Variants in AK6 observed in about 807,000 individuals in gnomAD.
AK6 encodes adenylate kinase isoenzyme 6.
Under a neutral mutation model 23.7 loss-of-function variants are expected in AK6, and 24 were observed. The observed-to-expected ratio is 1.01, with a 90% CI of 0.73 to 1.43. The LOEUF (loss-of-function observed/expected upper bound fraction) is 1.43. Among genes scored for constraint, AK6 ranks in the 40% most tolerant of loss-of-function variants. The pLI is 0.00. For missense variants in AK6, 191 were observed against 199.1 expected, an observed-to-expected ratio of 0.96 and a Z score of 0.24; for synonymous variants, 73 against 69.8, an observed-to-expected ratio of 1.05 and a Z score of -0.23.
intron 2 of AK6, chr5:69,365,132 TG>T (rs968721837): frequency 6.2e-7 from 1 of 1,614,116 alleles, no homozygotes; most frequent in Non-Finnish European, 8.5e-7. Context: ...TTGCAGGAAT[TG>T]AAGCTTTTAC....
At chr5:69,369,374 G>A in intron 1 of AK6, 89 bp downstream of exon 1, 1 of 1,475,196 alleles carries the variant, frequency 6.8e-7, no homozygotes, top group East Asian at 2.5e-5. Flanking sequence ...AGAGGGCAGT[G>A]AGGGGCCCCC....
In AK6 at chr5:69,355,710, A is replaced by T. The variant is rs893049971; in HGVS notation, c.265T>A (p.Phe89Ile). 5.6e-6 allele frequency: 9 copies of T among 1,613,874 alleles called. No individual in the cohort carries two copies. The highest frequency in any genetic ancestry group is 1.7e-5 in the Admixed American group (1 of 59,988). The part of the protein sequence containing the change: ...HGCDFFPERW[F>I]HIVFVLRTDT... ...GTTCTCAGCACAAAAACTATATGAA[A>T]CCAGCGTTCAGGGAAGAAATCACAA... Residue 89 changes from phenylalanine to isoleucine, a missense_variant, in exon 4 of 5, where the codon TTT becomes ATT. Physicochemically the swap from Phe to Ile is conservative, Grantham distance 21. Coordinates refer to ENST00000380822, the MANE Select transcript of AK6 (RefSeq NM_016283.5).
In AK6 at chr5:69,363,533, C is replaced by A. The variant is rs946373685; in HGVS notation, c.121+2970G>T. Among the ~76,000 whole-genome samples the A allele has an allele frequency of 9.9e-5, 15 of 152,178 alleles. 1 individual carries two copies. Among genetic ancestry groups the A allele is most frequent in the Non-Finnish European group, 1.8e-4 (12 of 68,032 alleles). ...GGCGCGGTGGCCCACGCCTGTAATC[C>A]CAGCACTCAGGGAGGCCAAGGTGGG... On this transcript the variant is annotated intron_variant, in intron 2 of 4. Transcript: ENST00000380822.
intron 2 of AK6, chr5:69,365,450 T>C: frequency 6.2e-7 from 1 of 1,614,236 alleles, no homozygotes; most frequent in Non-Finnish European, 8.5e-7. Flanking sequence ...TTCTTTGCCT[T>C]GCAATATCTA....
chr5:69,351,928 C>T lies in AK6; in HGVS notation c.*133G>A, dbSNP rs1761958295. 1.8e-6 allele frequency: 1 copy of T among 552,408 alleles called. No homozygotes were observed. The highest frequency in any genetic ancestry group is 2.9e-6 in the Non-Finnish European group (1 of 342,514). The allele number at this position is 552,408 out of a possible 1,614,324, so 34.2% of individuals were successfully genotyped here. The stretch of plus-strand genomic sequence containing the variant: ...TCTCATGGAGAAAAAGAAACACAGG[C>T]ATAAACCTATATACTATCCACCTGC... On this transcript the variant is annotated 3_prime_UTR_variant, in exon 5 of 5. Transcript: ENST00000380822.
At chr5:69,355,531 AAAAACAAAAC>A (rs370234616) in intron 4 of AK6, 108 bp downstream of exon 4, 62 of 1,218,136 alleles carry the variant, frequency 5.1e-5, no homozygotes, top group African/African-American at 3.6e-4. Context: ...TCTATCTCAA[AAAAACAAAAC>A]AAAACAAAAC....
chr5:69,358,295 G>A (rs1336213300), intron 2 of AK6, among the ~76,000 whole-genome samples: 1 of 152,072 alleles, frequency 6.6e-6, no homozygotes, highest in Non-Finnish European at 1.5e-5. Context: ...GGCCGAGGTG[G>A]TTGATCACCT....
chr5:69,360,526 T>C (rs999804111), intron 2 of AK6, among the ~76,000 whole-genome samples: 1 of 152,176 alleles, frequency 6.6e-6, no homozygotes, highest in Non-Finnish European at 1.5e-5. Context: ...GTTTTAATTA[T>C]AAATTTAAGT....
In AK6 at chr5:69,352,029, AAG is replaced by A. The variant is rs762524944; in HGVS notation, c.*30_*31del. The A allele has an allele frequency of 1.3e-6, 2 of 1,556,120 alleles. No homozygotes were observed. Among genetic ancestry groups the A allele is most frequent in the East Asian group, 4.5e-5 (2 of 44,438 alleles). ...CTATGATGTCGGCAGAGATATCAAC[AAG>A]AGTGATTATTAAGTAGCTAGCCTTA... On this transcript the variant is annotated 3_prime_UTR_variant, in exon 5 of 5. Transcript: ENST00000380822.
At chr5:69,369,440 C>T (rs765249067) in intron 1 of AK6, 23 bp downstream of exon 1, 8 of 1,609,126 alleles carry the variant, frequency 5.0e-6, no homozygotes, top group East Asian at 4.5e-5. Flanking sequence ...CCAGCCCAGT[C>T]CCTCCCGGCC....
At chr5:69,355,866 T>C (rs1432452018) in intron 3 of AK6, 29 bp downstream of exon 3, 1 of 1,602,808 alleles carries the variant, frequency 6.2e-7, no homozygotes, top group Non-Finnish European at 8.5e-7. Context: ...ATTCAACAAA[T>C]GCATACTTTA....
At chr5:69,369,545 G>A, upstream of AK6, 1 of 1,610,308 alleles carries the variant, frequency 6.2e-7, no homozygotes, top group South Asian at 1.1e-5. Flanking sequence ...TGCTCTACAG[G>A]GAGGAGCCGG....
At chr5:69,360,697 A>T (rs950743949) in intron 2 of AK6, among the ~76,000 whole-genome samples, 16 of 152,244 alleles carry the variant, frequency 1.1e-4, no homozygotes, top group Admixed American at 2.6e-4. Flanking sequence ...TCAATAGAGG[A>T]GTTAGTTTCC....
chr5:69,361,968 CCTTTTTTT>C (rs1762251658), intron 2 of AK6, among the ~76,000 whole-genome samples: 1 of 144,386 alleles, frequency 6.9e-6, no homozygotes, highest in African/African-American at 2.6e-5. Context: ...AACTTGATTC[CCTTTTTTT>C]TTTTTTTTTT....
chr5:69,352,995 C>T (rs992606718), intron 4 of AK6, among the ~76,000 whole-genome samples: 1 of 152,134 alleles, frequency 6.6e-6, no homozygotes, highest in Non-Finnish European at 1.5e-5. Flanking sequence ...TGAAACAACC[C>T]AAATGTCCAC....
At chr5:69,365,961 C>T (rs540050812) in intron 2 of AK6, among the ~76,000 whole-genome samples, 6 of 152,018 alleles carry the variant, frequency 3.9e-5, no homozygotes, top group African/African-American at 1.4e-4. Context: ...AAATCATTGT[C>T]GACTATAAAA....
intron 2 of AK6, among the ~76,000 whole-genome samples, chr5:69,363,520 C>G (rs1218193544): frequency 6.6e-6 from 1 of 152,166 alleles, no homozygotes; most frequent in East Asian, 1.9e-4. Flanking sequence ...CGCGGTGGCC[C>G]ACGCCTGTAA....
At chr5:69,358,945 G>C (rs1561215624) in intron 2 of AK6, among the ~76,000 whole-genome samples, 1 of 151,876 alleles carries the variant, frequency 6.6e-6, no homozygotes, top group Non-Finnish European at 1.5e-5. Flanking sequence ...TCAATTGTGG[G>C]GCCAGAGTTA....
intron 2 of AK6, chr5:69,365,510 C>A: frequency 6.2e-7 from 1 of 1,613,882 alleles, no homozygotes; most frequent in Non-Finnish European, 8.5e-7. Flanking sequence ...CAGCGCGGCA[C>A]TGGATTGCCA....
Sources: allele counts gnomAD v4.1 joint callset (sites outside exome capture counted in the v4.1 genomes callset), GRCh38; gene constraint gnomAD v4.1.1; transcripts MANE v1.5; gene names NCBI Gene and HGNC (gene_info 2026-07-23, HGNC 2026-07-21).